The following MYH11 variants were observed in gnomAD, a reference collection of about 807,000 sequenced individuals.
MYH11 encodes myosin heavy chain 11.
A neutral mutation model predicts 246.6 loss-of-function variants in MYH11; 80 were observed. That is an observed-to-expected ratio of 0.32 (90% confidence interval 0.27 to 0.39). MYH11 has a LOEUF of 0.39. MYH11 is among the 10% of genes least tolerant of loss of function. MYH11 has a pLI of 1.00. For missense variants in MYH11, 2,158 were observed against 2,546.8 expected (o/e 0.85, Z 3.29); for synonymous variants, 1,071 against 1,015.5 (o/e 1.05, Z -1.04).
intron 24 of MYH11, among the ~76,000 whole-genome samples, chr16:15,738,292 G>A (rs1414351205): frequency 6.6e-6 from 1 of 151,926 alleles, no homozygotes; most frequent in Non-Finnish European, 1.5e-5. Context: ...GACTGCTTGG[G>A]CCCAGGAGTT....
intron 4 of MYH11, among the ~76,000 whole-genome samples, chr16:15,787,088 CAGAG>C: frequency 6.7e-6 from 1 of 150,284 alleles, no homozygotes; most frequent in East Asian, 2.0e-4. Flanking sequence ...CTCAGCAACA[CAGAG>C]AGACACTGCC....
chr16:15,790,410 G>A (rs1442782436), intron 4 of MYH11, among the ~76,000 whole-genome samples: 2 of 152,012 alleles, frequency 1.3e-5, no homozygotes, highest in African/African-American at 2.4e-5. Context: ...GGGATGGGGA[G>A]TGGGACATAA....
chr16:15,784,510 C>T (rs888735509), intron 5 of MYH11, among the ~76,000 whole-genome samples: 3 of 152,062 alleles, frequency 2.0e-5, no homozygotes, highest in Admixed American at 6.6e-5. Flanking sequence ...CACCCCCACA[C>T]CCTTCCCTGG....
At chr16:15,760,786 C>T in intron 10 of MYH11, 128 bp from the exon 11 acceptor site, 1 of 777,898 alleles carries the variant, frequency 1.3e-6, no homozygotes, top group Non-Finnish European at 2.3e-6. Context: ...ACCCGCTGAC[C>T]ATGAATATAG....
At position 15,844,892 on chromosome 16, in the gene MYH11, T is replaced by C. The variant is rs13335401; in HGVS notation, c.-17-6623A>G. 4.1e-3 allele frequency among the ~76,000 whole-genome samples: 617 copies of C among 152,244 alleles called. 2 individuals are homozygous for C. The highest frequency in any genetic ancestry group is 0.014 in the African/African-American group (585 of 41,560). On this transcript the variant is annotated intron_variant, in intron 1 of 40. Coordinates refer to ENST00000300036, the MANE Select transcript of MYH11 (RefSeq NM_002474.3). ...AGAGAACGAGAACATTTCATAAATATAGGGCATTTTCATTAGCCTAAAAGA... is the reference window on the plus strand; with the variant it reads ...AGAGAACGAGAACATTTCATAAATACAGGGCATTTTCATTAGCCTAAAAGA...
chr16:15,721,080 A>G lies in MYH11; in HGVS notation c.4579-29T>C, dbSNP rs113126316. On this transcript the variant is annotated intron_variant, in intron 32 of 40. Transcript: ENST00000300036. ...CCGGCAGAGCGGGCAGCCCCATTCT[A>G]TGAGGCTCAACTTCATGAAGACGAT... The G allele has an allele frequency of 2.0e-3, 3,202 of 1,610,310 alleles. 59 individuals are homozygous for G. The African/African-American group carries it at 0.036, about 18-fold the overall frequency.
Position 15,750,025 on chromosome 16 carries a change from T to C in MYH11, c.2058+113A>G. 1 of 1,300,084 alleles carries C rather than the reference T, an allele frequency of 7.7e-7. No homozygotes were observed. Among genetic ancestry groups the C allele is most frequent in the Non-Finnish European group, 1.1e-6 (1 of 921,606 alleles). 80.5% of individuals were successfully genotyped at this position (1,300,084 alleles called of 1,614,324 possible). A position where few individuals can be genotyped will look rare whatever the true frequency, so the allele number is the denominator to read the frequency against. Reference sequence around the variant, plus strand: ...TGAGATTCAGATAGCCTTCCCCACATGGAAAATGGGGTCCTCGGGGTAGGT... The same window carrying C: ...TGAGATTCAGATAGCCTTCCCCACACGGAAAATGGGGTCCTCGGGGTAGGT... On this transcript the variant is annotated intron_variant, in intron 16 of 40. Transcript: ENST00000300036. This position sits in a 1 kb window ranked among gnomAD's most constrained non-coding sequence, Gnocchi z 4.3.
At chr16:15,759,444 C>T in intron 12 of MYH11, 132 bp downstream of exon 12, 1 of 1,177,404 alleles carries the variant, frequency 8.5e-7, no homozygotes, top group African/African-American at 1.5e-5. Context: ...CTCAATGATC[C>T]ACCCTTAACT....
At chr16:15,830,696 G>A (rs961955649) in intron 2 of MYH11, among the ~76,000 whole-genome samples, 1 of 151,998 alleles carries the variant, frequency 6.6e-6, no homozygotes, top group East Asian at 1.9e-4. Flanking sequence ...TGGCTAACAT[G>A]GCAAAAACCC....
At position 15,724,692 on chromosome 16, in the gene MYH11, C is replaced by T. The variant is rs771064336; in HGVS notation, c.4071G>A (p.Glu1357=). The T allele has an allele frequency of 1.9e-6, 3 of 1,614,204 alleles. No homozygotes were observed. In the South Asian group the frequency reaches 3.3e-5, roughly 18 times the overall value. ...SLQDQLDEEM[E]AKQNLERHIS... ...TGTGGCGCTCCAGGTTCTGCTTGGC[C>T]TCCATCTCCTCGTCCAGCTGGTCTT... Residue 1357 remains glutamate (E), a synonymous_variant, in exon 30 of 41, where the codon GAG becomes GAA. Transcript: ENST00000300036.
intron 40 of MYH11, among the ~76,000 whole-genome samples, chr16:15,707,969 A>T (rs1188201248): frequency 6.6e-6 from 1 of 151,302 alleles, no homozygotes; most frequent in African/African-American, 2.4e-5. Context: ...CAAAAAAAAA[A>T]AAAAAAAAAA....
rs533396284 is a variant in MYH11 at position 15,718,183 on chromosome 16, G to A, written c.5295+132C>T. ...AAGGGCCCTGGATCTCTACTCTCAG[G>A]CCCCACCACCCTCTTGTCCCTCAAT... On this transcript the variant is annotated intron_variant, in intron 37 of 40. Transcript: ENST00000300036. 21 of 1,443,280 alleles carry A rather than the reference G, an allele frequency of 1.5e-5. No homozygotes were observed. The African/African-American group carries it at 2.2e-4, about 15-fold the overall frequency. The allele number at this position is 1,443,280 out of a possible 1,614,324, so 89.4% of individuals were successfully genotyped here.
intron 40 of MYH11, among the ~76,000 whole-genome samples, chr16:15,711,942 G>C (rs757130346): frequency 1.3e-5 from 2 of 152,144 alleles, no homozygotes; most frequent in African/African-American, 4.8e-5. Flanking sequence ...ATCAGCCTGC[G>C]TTGGCCTCCC....
chr16:15,727,197 TTTTGTTG>T lies in MYH11; in HGVS notation c.3652-150_3652-144del, dbSNP rs929285797. Reference sequence around the variant, plus strand: ...ATCACCAGTAAGAGATTTGGGGTTTTTTTGTTGTTATTTTTTTTTTGAGATGGAGTCT... The same window carrying T: ...ATCACCAGTAAGAGATTTGGGGTTTTTTATTTTTTTTTTGAGATGGAGTCT... On this transcript the variant is annotated intron_variant, in intron 27 of 40. Transcript: ENST00000300036. The T allele has an allele frequency of 4.0e-6, 3 of 744,326 alleles. No homozygotes were observed. The African/African-American group carries it at 5.4e-5, about 13-fold the overall frequency. 46.1% of individuals were successfully genotyped at this position (744,326 alleles called of 1,614,324 possible).
At chr16:15,827,649 T>C (rs1234179018) in intron 2 of MYH11, among the ~76,000 whole-genome samples, 1 of 152,190 alleles carries the variant, frequency 6.6e-6, no homozygotes, top group African/African-American at 2.4e-5. Context: ...TTTCTCCTCT[T>C]CAGTCCCAGC....
intron 5 of MYH11, among the ~76,000 whole-genome samples, chr16:15,784,480 C>T (rs1340604813): frequency 6.6e-6 from 1 of 152,096 alleles, no homozygotes; most frequent in African/African-American, 2.4e-5. Context: ...CTCCAATAGG[C>T]GTCCCGTGGG....
At chr16:15,814,339 G>A (rs944146067) in intron 3 of MYH11, among the ~76,000 whole-genome samples, 1 of 151,874 alleles carries the variant, frequency 6.6e-6, no homozygotes, top group Non-Finnish European at 1.5e-5. Context: ...GATCACCTAA[G>A]GTCGGGAGTT....
intron 19 of MYH11, 35 bp from the exon 20 acceptor site, chr16:15,745,272 G>A: frequency 1.4e-6 from 2 of 1,461,532 alleles, no homozygotes; most frequent in Non-Finnish European, 9.6e-7. Context: ...CGGGGGTCAT[G>A]AAGCCACACC....
At chr16:15,815,027 C>T (rs2043232356) in intron 3 of MYH11, among the ~76,000 whole-genome samples, 1 of 152,172 alleles carries the variant, frequency 6.6e-6, no homozygotes, top group African/African-American at 2.4e-5. Flanking sequence ...TTCTACAAAC[C>T]TTCTCTGAAG....
Sources: gnomAD v4.1 joint callset for allele counts (sites outside exome capture counted in the v4.1 genomes callset) on GRCh38, gnomAD v4.1.1 for gene constraint, Gnocchi (gnomAD v3.1) non-coding constraint, MANE v1.5 for transcripts, NCBI Gene and HGNC (gene_info 2026-07-23, HGNC 2026-07-21) for gene names.